The following DRC9 variants were observed in gnomAD, a reference collection of about 807,000 sequenced individuals.
DRC9 encodes the protein dynein regulatory complex protein 9.
chr3:197,954,438 A>G, the DRC9 span: 10 of 442,398 alleles, frequency 2.3e-5, no homozygotes, highest in East Asian at 2.4e-4. Flanking sequence ...GGTTCAAGCA[A>G]TCCTTCCACC....
At chr3:197,905,111 G>C in the DRC9 span, among the ~76,000 whole-genome samples, 1 of 152,156 alleles carries the variant, frequency 6.6e-6, no homozygotes, top group Non-Finnish European at 1.5e-5. Flanking sequence ...CGGAGGGTGT[G>C]GGGATGGTTA....
chr3:197,904,012 A>G, the DRC9 span, among the ~76,000 whole-genome samples: 34 of 94,834 alleles, frequency 3.6e-4, no homozygotes, highest in African/African-American at 2.0e-3. Context: ...ACATACATAT[A>G]TATATACATA....
the DRC9 span, among the ~76,000 whole-genome samples, chr3:197,915,612 A>C: frequency 6.6e-6 from 1 of 152,062 alleles, no homozygotes; most frequent in Non-Finnish European, 1.5e-5. Context: ...TCCTCTAGAT[A>C]CCAACCGCCT....
At chr3:197,953,801 A>G in the DRC9 span, 1 of 623,726 alleles carries the variant, frequency 1.6e-6, no homozygotes, top group Non-Finnish European at 2.9e-6. Flanking sequence ...TTTGTTTTAT[A>G]GCTGCTGTAT....
the DRC9 span, chr3:197,944,080 C>G: frequency 2.0e-5 from 32 of 1,591,898 alleles, no homozygotes; most frequent in Non-Finnish European, 2.6e-5. Flanking sequence ...AAAAATAAGT[C>G]AGCAACCAAT....
At chr3:197,948,310 A>T in the DRC9 span, among the ~76,000 whole-genome samples, 4 of 152,106 alleles carry the variant, frequency 2.6e-5, no homozygotes, top group South Asian at 8.3e-4. Flanking sequence ...GCCTTAACTG[A>T]CACTTGTCCA....
the DRC9 span, chr3:197,943,996 C>T: frequency 1.2e-6 from 2 of 1,614,080 alleles, no homozygotes; most frequent in South Asian, 1.1e-5. Flanking sequence ...GTCACTGACA[C>T]CGTCATCTCA....
the DRC9 span, chr3:197,945,536 C>G: frequency 1.2e-6 from 1 of 838,428 alleles, no homozygotes; most frequent in South Asian, 1.6e-5. Flanking sequence ...TGTTACGCAG[C>G]AATAGATAAG....
the DRC9 span, among the ~76,000 whole-genome samples, chr3:197,907,161 C>T: frequency 6.6e-6 from 1 of 152,188 alleles, no homozygotes; most frequent in African/African-American, 2.4e-5. Flanking sequence ...TGTAGGAAAG[C>T]AAGCACAGAG....
At chr3:197,929,704 G>A in the DRC9 span, among the ~76,000 whole-genome samples, 170 of 152,288 alleles carry the variant, frequency 1.1e-3, no homozygotes, top group African/African-American at 3.8e-3. This position sits in a 1 kb window ranked among gnomAD's most constrained non-coding sequence, Gnocchi z 4.6. Context: ...TCAGGAGTTC[G>A]AGGCTGCAGT....
the DRC9 span, chr3:197,959,642 C>T: frequency 0.067 from 10,267 of 152,374 alleles, 413 homozygotes; most frequent in African/African-American, 0.11. Context: ...TTCCTCACGG[C>T]TCAGTTTCGA....
chr3:197,952,537 C>G, the DRC9 span: 1 of 151,718 alleles, frequency 6.6e-6, no homozygotes, highest in Non-Finnish European at 1.5e-5. Context: ...TCTTGTTATC[C>G]AGGCTAAAGT....
the DRC9 span, among the ~76,000 whole-genome samples, chr3:197,895,837 C>T: frequency 3.3e-5 from 5 of 151,270 alleles, no homozygotes; most frequent in Non-Finnish European, 7.4e-5. Context: ...TAGCCAGGCA[C>T]GGTAGCATGC....
the DRC9 span, among the ~76,000 whole-genome samples, chr3:197,920,427 TA>T: frequency 0.31 from 36,167 of 116,278 alleles, 5,638 homozygotes; most frequent in African/African-American, 0.49. Context: ...CCATCTCAAT[TA>T]AAAAAAAAAA....
chr3:197,909,061 TG>T, the DRC9 span, among the ~76,000 whole-genome samples: 1 of 152,230 alleles, frequency 6.6e-6, no homozygotes, highest in Non-Finnish European at 1.5e-5. Flanking sequence ...TAAAGTGATT[TG>T]CCAGTTTCAT....
the DRC9 span, among the ~76,000 whole-genome samples, chr3:197,944,617 T>A: frequency 6.6e-6 from 1 of 152,014 alleles, no homozygotes; most frequent in Non-Finnish European, 1.5e-5. Flanking sequence ...CCTGGCTAAT[T>A]TTTTGTATTT....
the DRC9 span, chr3:197,956,937 C>CT: frequency 6.6e-6 from 1 of 152,188 alleles, no homozygotes; most frequent in Non-Finnish European, 1.5e-5. Flanking sequence ...AAATTAACAT[C>CT]TTTAAATTGC....
the DRC9 span, among the ~76,000 whole-genome samples, chr3:197,952,183 T>C: frequency 7.2e-6 from 1 of 139,550 alleles, no homozygotes; most frequent in African/African-American, 2.8e-5. Context: ...TTTTTTTTTT[T>C]TTTTTGGAGA....
chr3:197,943,759 AT>A, the DRC9 span: 3 of 1,597,734 alleles, frequency 1.9e-6, no homozygotes, highest in Non-Finnish European at 2.6e-6. Flanking sequence ...AAATTAACTC[AT>A]GGTGAGTGGG....
Sources: allele counts gnomAD v4.1 joint callset (sites outside exome capture counted in the v4.1 genomes callset), GRCh38; gene constraint gnomAD v4.1.1; non-coding constraint Gnocchi (gnomAD v3.1); transcripts MANE v1.5; gene names NCBI Gene and HGNC (gene_info 2026-07-23, HGNC 2026-07-21).